The following PSMD6 variants were observed in gnomAD, a reference collection of about 807,000 sequenced individuals.
PSMD6 encodes 26S proteasome non-ATPase regulatory subunit 6.
Under a neutral mutation model 44.9 loss-of-function variants are expected in PSMD6, and 7 were observed. The ratio of observed to expected loss-of-function variants is 0.16; its 90% CI spans 0.09 to 0.29. The LOEUF (loss-of-function observed/expected upper bound fraction) is 0.29. Among genes scored for constraint, PSMD6 ranks in the 10% least tolerant of loss-of-function variants. The probability of loss-of-function intolerance (pLI) is 1.00; values close to 1 mark genes in which losing one functional copy is unlikely to be tolerated. For missense variants in PSMD6, 420 were observed against 482.6 expected (o/e 0.87, Z 1.21); for synonymous variants, 184 against 172.7 (o/e 1.07, Z -0.51).
At chr3:64,022,185 G>A (rs1347666176) in intron 2 of PSMD6, 133 bp downstream of exon 2, 3 of 998,664 alleles carry the variant, frequency 3.0e-6, no homozygotes, top group Non-Finnish European at 4.4e-6. Context: ...TGATTCACCA[G>A]TACAAGCAAG....
At chr3:64,018,395 T>C in intron 5 of PSMD6, 1 of 429,256 alleles carries the variant, frequency 2.3e-6, no homozygotes. Context: ...AAAATCATTC[T>C]TACCTCCTGG....
At chr3:64,012,949 CCAAA>C (rs1490122908) in intron 6 of PSMD6, 4 of 152,282 alleles carry the variant, frequency 2.6e-5, no homozygotes, top group African/African-American at 4.8e-5. Flanking sequence ...TAAAACAATA[CCAAA>C]CATATAGTAA....
At chr3:64,023,732 G>T, upstream of PSMD6, 3 of 1,486,676 alleles carry the variant, frequency 2.0e-6, no homozygotes, top group South Asian at 1.2e-5. Flanking sequence ...TTTACTTTCC[G>T]TTTGTAACTG....
At chr3:64,017,740 A>C (rs1194165005) in intron 5 of PSMD6, 1 of 152,240 alleles carries the variant, frequency 6.6e-6, no homozygotes, top group Admixed American at 6.5e-5. Flanking sequence ...GCCAAAACCC[A>C]CTGCAAAAAC....
At chr3:64,023,758 T>A, upstream of PSMD6, 1 of 1,437,972 alleles carries the variant, frequency 7.0e-7, no homozygotes, top group Non-Finnish European at 9.3e-7. Context: ...AGCTTAAAAT[T>A]TTTTGAAAAC....
At chr3:64,022,603 GC>G (rs913400140) in intron 1 of PSMD6, 80 bp from the exon 2 acceptor site, 2 of 1,534,496 alleles carry the variant, frequency 1.3e-6, no homozygotes, top group African/African-American at 2.7e-5. Context: ...TTCACCCCCC[GC>G]CCCGCCACAA....
rs757170615 is a variant in PSMD6 at position 64,018,575 on chromosome 3, C to CA, written c.826+23dup. 10 of 1,484,768 alleles carry CA rather than the reference C, an allele frequency of 6.7e-6. No homozygotes were observed. The Admixed American group carries it at 1.9e-4, about 28-fold the overall frequency. 92.0% of individuals were successfully genotyped at this position (1,484,768 alleles called of 1,614,324 possible). The stretch of plus-strand genomic sequence containing the variant: ...CAGGAGTAAGATGAAGACAGATAAT[C>CA]AAAAATATCAACCCTATCCTTACCT... On this transcript the variant is annotated intron_variant, in intron 5 of 7. Coordinates refer to ENST00000295901, the MANE Select transcript of PSMD6 (RefSeq NM_014814.3).
chr3:64,013,125 T>C, intron 6 of PSMD6: 1 of 214,964 alleles, frequency 4.7e-6, no homozygotes, highest in African/African-American at 2.3e-5. Context: ...TAAGAGTCAT[T>C]ACCGTAGCTG....
chr3:64,010,629 AATT>A lies in PSMD6; in HGVS notation c.*36_*38del. ...GAAGTAAGCTATAAAAATTCCAAAT[AATT>A]ATCTCTAAAGCAAATCCTTTGTTAG... On this transcript the variant is annotated 3_prime_UTR_variant, in exon 8 of 8. Coordinates refer to ENST00000295901, the MANE Select transcript of PSMD6 (RefSeq NM_014814.3). The A allele has an allele frequency of 6.9e-7, 1 of 1,457,512 alleles. No individual in the cohort carries two copies. Among genetic ancestry groups the A allele is most frequent in the South Asian group, 1.2e-5 (1 of 82,250 alleles). The allele number at this position is 1,457,512 out of a possible 1,614,324, so 90.3% of individuals were successfully genotyped here. A position where few individuals can be genotyped will look rare whatever the true frequency, so the allele number is the denominator to read the frequency against.
chr3:64,013,306 C>T (rs928169039), intron 6 of PSMD6, 133 bp downstream of exon 6: 2 of 868,932 alleles, frequency 2.3e-6, no homozygotes, highest in African/African-American at 1.7e-5. Flanking sequence ...TTTGATAATA[C>T]TGAGGAAAAA....
chr3:64,011,130 CATCTACTAGA>C lies in PSMD6; in HGVS notation c.996-185_996-176del, dbSNP rs1234532332. 9.6e-6 allele frequency: 5 copies of C among 521,890 alleles called. No individual in the cohort carries two copies. The African/African-American group carries it at 9.8e-5, about 10-fold the overall frequency. 32.3% of individuals were successfully genotyped at this position (521,890 alleles called of 1,614,324 possible). A position where few individuals can be genotyped will look rare whatever the true frequency, so the allele number is the denominator to read the frequency against. ...TCCTATACTGCAGGCTTTAAGTCAT[CATCTACTAGA>C]ATAAACATGATCCTAGAAGTTCATA... On this transcript the variant is annotated intron_variant, in intron 6 of 7. Coordinates refer to ENST00000295901, the MANE Select transcript of PSMD6 (RefSeq NM_014814.3).
At chr3:64,017,246 A>G (rs2076059048) in intron 5 of PSMD6, 3 of 152,384 alleles carry the variant, frequency 2.0e-5, no homozygotes, top group African/African-American at 7.2e-5. Flanking sequence ...CCTTGCCAAT[A>G]TATGAAAAAG....
At chr3:64,020,414 T>C (rs1157015760) in intron 2 of PSMD6, among the ~76,000 whole-genome samples, 2 of 152,116 alleles carry the variant, frequency 1.3e-5, no homozygotes, top group East Asian at 3.8e-4. Context: ...ATTAGAACAT[T>C]TTACAACTTC....
Position 64,010,627 on chromosome 3 carries a change from A to G in PSMD6, c.*41T>C. The G allele has an allele frequency of 1.4e-6, 2 of 1,453,528 alleles. No homozygotes were observed. Among genetic ancestry groups the G allele is most frequent in the Non-Finnish European group, 9.5e-7 (1 of 1,054,350 alleles). 90.0% of individuals were successfully genotyped at this position (1,453,528 alleles called of 1,614,324 possible). ...GTGAAGTAAGCTATAAAAATTCCAA[A>G]TAATTATCTCTAAAGCAAATCCTTT... On this transcript the variant is annotated 3_prime_UTR_variant, in exon 8 of 8. Coordinates refer to ENST00000295901, the MANE Select transcript of PSMD6 (RefSeq NM_014814.3).
chr3:64,017,994 G>GT (rs1466714299), intron 5 of PSMD6, among the ~76,000 whole-genome samples: 2 of 152,156 alleles, frequency 1.3e-5, no homozygotes, highest in Non-Finnish European at 2.9e-5. Flanking sequence ...ACAAGCAAAT[G>GT]TGTGAAGGCA....
chr3:64,021,706 G>A (rs1458628661), intron 2 of PSMD6, among the ~76,000 whole-genome samples: 1 of 151,972 alleles, frequency 6.6e-6, no homozygotes, highest in Non-Finnish European at 1.5e-5. Flanking sequence ...AACTACTCGG[G>A]AGGCTGAGGG....
chr3:64,023,087 A>T, intron 1 of PSMD6, 188 bp downstream of exon 1: 1 of 1,426,332 alleles, frequency 7.0e-7, no homozygotes, highest in Non-Finnish European at 9.1e-7. Context: ...GACCCCGCTG[A>T]GGCAAGTCGA....
At chr3:64,012,280 A>G (rs1274857577) in intron 6 of PSMD6, 1 of 152,198 alleles carries the variant, frequency 6.6e-6, no homozygotes, top group Non-Finnish European at 1.5e-5. Context: ...ACTGCAGACC[A>G]TTGAAAACAC....
chr3:64,015,157 C>T lies in PSMD6; in HGVS notation c.827-1550G>A, dbSNP rs549146961. 3 of 152,292 alleles carry T rather than the reference C, an allele frequency of 2.0e-5. No homozygotes were observed. In the East Asian group the frequency reaches 5.8e-4, roughly 29 times the overall value. The allele number at this position is 152,292 out of a possible 1,614,324, so 9.4% of individuals were successfully genotyped here. A position where few individuals can be genotyped will look rare whatever the true frequency, so the allele number is the denominator to read the frequency against. ...AAAACATCAATAAAATTATTTCTGTCCTCTCAGACTGGCAAAGAGTATGGA... is the reference window on the plus strand; with the variant it reads ...AAAACATCAATAAAATTATTTCTGTTCTCTCAGACTGGCAAAGAGTATGGA... On this transcript the variant is annotated intron_variant, in intron 5 of 7. Coordinates refer to ENST00000295901, the MANE Select transcript of PSMD6 (RefSeq NM_014814.3).
Sources: gnomAD v4.1 joint callset for allele counts (sites outside exome capture counted in the v4.1 genomes callset) on GRCh38, gnomAD v4.1.1 for gene constraint, MANE v1.5 for transcripts, NCBI Gene and HGNC (gene_info 2026-07-23, HGNC 2026-07-21) for gene names.